Variants in TENM4 observed in about 807,000 individuals in gnomAD.
TENM4 encodes teneurin transmembrane protein 4.
A neutral mutation model predicts 243.3 loss-of-function variants in TENM4; 82 were observed. The ratio of observed to expected loss-of-function variants is 0.34; its 90% CI spans 0.28 to 0.40. The LOEUF (loss-of-function observed/expected upper bound fraction) is 0.40. Ranked by LOEUF, TENM4 falls within the 10% of genes least tolerant of loss-of-function variation. The pLI is 1.00. For synonymous variants in TENM4, 1,412 were observed against 1,456.3 expected (o/e 0.97, Z 0.69); for missense variants, 3,138 against 3,673.3 (o/e 0.85, Z 3.77).
chr11:79,059,462 A>T (rs953654117), intron 6 of TENM4, among the ~76,000 whole-genome samples: 20 of 152,200 alleles, frequency 1.3e-4, no homozygotes, highest in African/African-American at 4.8e-4. Context: ...CTTCTTAAAA[A>T]ATTAATATTA....
At chr11:79,202,124 G>A (rs1359870323) in intron 3 of TENM4, among the ~76,000 whole-genome samples, 1 of 152,148 alleles carries the variant, frequency 6.6e-6, no homozygotes, top group Non-Finnish European at 1.5e-5. Context: ...GGGGCATGAT[G>A]AGCCTGAGGT....
chr11:78,819,223 T>A (rs944715159), intron 12 of TENM4, among the ~76,000 whole-genome samples: 2 of 152,196 alleles, frequency 1.3e-5, no homozygotes, highest in African/African-American at 4.8e-5. Context: ...CGGTGCCCGT[T>A]TTGACTGTTC....
chr11:78,773,530 G>A (rs960280289), intron 17 of TENM4, among the ~76,000 whole-genome samples: 1 of 151,950 alleles, frequency 6.6e-6, no homozygotes, highest in Non-Finnish European at 1.5e-5. Context: ...TCACAGAAAG[G>A]CAAAATAGGA....
At chr11:79,408,420 A>AT (rs1462512238) in intron 1 of TENM4, among the ~76,000 whole-genome samples, 1 of 152,150 alleles carries the variant, frequency 6.6e-6, no homozygotes, top group African/African-American at 2.4e-5. Context: ...CGGAACCTTG[A>AT]TTTTTCCATT....
At chr11:79,348,150 C>G (rs998055465) in intron 1 of TENM4, among the ~76,000 whole-genome samples, 2 of 152,134 alleles carry the variant, frequency 1.3e-5, no homozygotes, top group Admixed American at 1.3e-4. Flanking sequence ...ATTTTTTGAG[C>G]CTTTTGTGCC....
intron 3 of TENM4, among the ~76,000 whole-genome samples, chr11:79,210,359 T>C (rs1863933252): frequency 6.6e-6 from 1 of 152,232 alleles, no homozygotes; most frequent in South Asian, 2.1e-4. Flanking sequence ...GTCTGCTGTG[T>C]GCATGGGAAC....
chr11:78,947,484 A>G (rs977206933), intron 6 of TENM4, among the ~76,000 whole-genome samples: 7 of 152,228 alleles, frequency 4.6e-5, no homozygotes, highest in African/African-American at 1.7e-4. Context: ...ACAAGACTTT[A>G]TTCCCAAACA....
chr11:79,140,178 C>T (rs892925882), intron 4 of TENM4, among the ~76,000 whole-genome samples: 1 of 152,044 alleles, frequency 6.6e-6, no homozygotes, highest in African/African-American at 2.4e-5. Context: ...TGCAACATGG[C>T]TTCCTTTAGA....
intron 2 of TENM4, among the ~76,000 whole-genome samples, chr11:79,230,765 G>T (rs1294880466): frequency 2.0e-5 from 3 of 152,206 alleles, no homozygotes; most frequent in Non-Finnish European, 4.4e-5. Context: ...ATGGAGACAG[G>T]CAGTGGGCAG....
At chr11:79,347,048 G>T (rs1857337481) in intron 1 of TENM4, among the ~76,000 whole-genome samples, 1 of 152,060 alleles carries the variant, frequency 6.6e-6, no homozygotes, top group Admixed American at 6.5e-5. Flanking sequence ...AGACCAATTT[G>T]CTCATCACTA....
chr11:79,257,925 C>G (rs1855726782), intron 2 of TENM4, among the ~76,000 whole-genome samples: 3 of 152,322 alleles, frequency 2.0e-5, no homozygotes, highest in African/African-American at 7.2e-5. Flanking sequence ...TGAGAATCCA[C>G]CAGCACCATG....
At chr11:78,789,578 C>A (rs1311873520) in intron 15 of TENM4, among the ~76,000 whole-genome samples, 6 of 152,156 alleles carry the variant, frequency 3.9e-5, no homozygotes, top group African/African-American at 1.2e-4. Context: ...GATGAAAAAT[C>A]AGCTTAGTAT....
At chr11:78,875,133 C>A (rs1363529664) in intron 9 of TENM4, among the ~76,000 whole-genome samples, 3 of 151,236 alleles carry the variant, frequency 2.0e-5, no homozygotes, top group Non-Finnish European at 4.4e-5. Context: ...CCGCCCCAGT[C>A]AGTGCACATG....
At chr11:79,407,436 G>A (rs1029081869) in intron 1 of TENM4, among the ~76,000 whole-genome samples, 2 of 152,116 alleles carry the variant, frequency 1.3e-5, no homozygotes, top group African/African-American at 2.4e-5. Context: ...GCTTGATATC[G>A]TGCTAAGCAC....
At chr11:79,337,657 G>C (rs1439788825) in intron 1 of TENM4, among the ~76,000 whole-genome samples, 2 of 152,186 alleles carry the variant, frequency 1.3e-5, no homozygotes, top group Non-Finnish European at 2.9e-5. Context: ...TGGGGAAACT[G>C]GGGAAACAGA....
intron 19 of TENM4, among the ~76,000 whole-genome samples, chr11:78,740,978 C>G (rs1855916588): frequency 6.6e-6 from 1 of 152,362 alleles, no homozygotes; most frequent in Admixed American, 6.5e-5. Flanking sequence ...TAGGTTGACT[C>G]CCTGGACGCC....
chr11:78,884,735 G>C (rs942572602), intron 9 of TENM4, among the ~76,000 whole-genome samples: 2 of 152,230 alleles, frequency 1.3e-5, no homozygotes, highest in African/African-American at 2.4e-5. Context: ...GAGAATTACA[G>C]CATACAGGTT....
At chr11:79,147,028 T>A (rs141504438) in intron 4 of TENM4, among the ~76,000 whole-genome samples, 42 of 152,230 alleles carry the variant, frequency 2.8e-4, no homozygotes, top group African/African-American at 9.4e-4. Context: ...TATACAGATA[T>A]GTACATGCAT....
In TENM4 at chr11:78,812,108, C is replaced by G; in HGVS notation, c.1978+14G>C. On this transcript the variant is annotated intron_variant, in intron 14 of 33. Transcript: ENST00000278550. Reference sequence around the variant, plus strand: ...TCAGAGGAAGGTGCCGGAGCTGCCACCTGCAACTCTTACCTTCCTCACAGC... The same window carrying G: ...TCAGAGGAAGGTGCCGGAGCTGCCAGCTGCAACTCTTACCTTCCTCACAGC... The G allele has an allele frequency of 6.5e-7, 1 of 1,546,102 alleles. No individual in the cohort carries two copies. Among genetic ancestry groups the G allele is most frequent in the Non-Finnish European group, 8.7e-7 (1 of 1,143,418 alleles).
Sources: allele counts gnomAD v4.1 joint callset (sites outside exome capture counted in the v4.1 genomes callset), GRCh38; gene constraint gnomAD v4.1.1; transcripts MANE v1.5; gene names NCBI Gene and HGNC (gene_info 2026-07-23, HGNC 2026-07-21).